NMBR: variants seen among roughly 807,000 people sequenced by gnomAD.
NMBR encodes the protein neuromedin-B receptor.
In NMBR, 16 loss-of-function variants were observed where a neutral mutation model predicts 20.5. The ratio of observed to expected loss-of-function variants is 0.78; its 90% confidence interval spans 0.53 to 1.19. The LOEUF (loss-of-function observed/expected upper bound fraction) is 1.19, where lower values mean the gene tolerates loss of function less well. NMBR is among the 50% of genes most tolerant of loss of function. The pLI, the probability that NMBR is intolerant of heterozygous loss-of-function variation, is 0.00. For missense variants in NMBR, 582 were observed against 499.1 expected, an observed-to-expected ratio of 1.17 and a Z score of -1.58; for synonymous variants, 212 against 196.6, an observed-to-expected ratio of 1.08 and a Z score of -0.65.
intron 1 of NMBR, among the ~76,000 whole-genome samples, chr6:142,091,168 T>C (rs1777315299): frequency 6.6e-6 from 1 of 152,188 alleles, no homozygotes; most frequent in Non-Finnish European, 1.5e-5. Context: ...CAGTATTGTC[T>C]CATATTAATA....
At chr6:142,121,769 AC>A (rs1177042531) in intron 1 of NMBR, among the ~76,000 whole-genome samples, 1 of 151,886 alleles carries the variant, frequency 6.6e-6, no homozygotes, top group African/African-American at 2.4e-5. Context: ...ACACTATGTT[AC>A]ACCATGCACA....
intron 2 of NMBR, among the ~76,000 whole-genome samples, chr6:142,083,078 C>T (rs1051099584): frequency 2.6e-5 from 4 of 151,962 alleles, no homozygotes; most frequent in Non-Finnish European, 5.9e-5. Flanking sequence ...TTATACAGTG[C>T]CTTTCTAATT....
intron 1 of NMBR, among the ~76,000 whole-genome samples, chr6:142,094,390 C>A (rs1777401841): frequency 6.6e-6 from 1 of 152,148 alleles, no homozygotes; most frequent in Non-Finnish European, 1.5e-5. Context: ...TTTCCCAGCA[C>A]CATTTATTAA....
chr6:142,142,122 T>C (rs936391423), intron 1 of NMBR, among the ~76,000 whole-genome samples: 1 of 152,044 alleles, frequency 6.6e-6, no homozygotes, highest in South Asian at 2.1e-4. Flanking sequence ...ATTTCTAAAT[T>C]CCAAACTACT....
intron 2 of NMBR, among the ~76,000 whole-genome samples, chr6:142,082,844 C>T (rs1376966307): frequency 2.6e-5 from 4 of 152,206 alleles, no homozygotes; most frequent in African/African-American, 9.6e-5. Flanking sequence ...AAAGCACCAC[C>T]TTATGGCCAT....
intron 1 of NMBR, among the ~76,000 whole-genome samples, chr6:142,119,701 G>A (rs1442228365): frequency 7.9e-5 from 12 of 151,696 alleles, no homozygotes; most frequent in African/African-American, 1.5e-4. Flanking sequence ...TGTTACAGAC[G>A]GAAAATTGAA....
At position 142,078,714 on chromosome 6, in the gene NMBR, T is replaced by A; in HGVS notation, c.612A>T (p.Thr204=). Residue 204 remains threonine (T), a synonymous_variant, in exon 3 of 4, where the codon ACA becomes ACT. Coordinates refer to ENST00000258042, the MANE Select transcript of NMBR (RefSeq NM_002511.4). ...SFTACIPYPQ[T]DELHPKIHSV... The stretch of plus-strand genomic sequence containing the variant: ...AATGAATCTTTGGATGTAATTCATC[T>A]GTTTGAGGGTATGGGATACATGCTG... The A allele has an allele frequency of 6.2e-7, 1 of 1,614,032 alleles. No individual in the cohort carries two copies. The highest frequency in any genetic ancestry group is 8.5e-7 in the Non-Finnish European group (1 of 1,179,988).
intron 2 of NMBR, among the ~76,000 whole-genome samples, chr6:142,084,935 G>C (rs1415703551): frequency 6.6e-6 from 1 of 152,120 alleles, no homozygotes; most frequent in Non-Finnish European, 1.5e-5. Context: ...GTATAAAAGT[G>C]TTAGAAACAT....
intron 1 of NMBR, among the ~76,000 whole-genome samples, chr6:142,141,554 G>T (rs187026318): frequency 7.3e-5 from 11 of 151,382 alleles, no homozygotes; most frequent in Non-Finnish European, 1.3e-4. Flanking sequence ...TCCAGGGCTG[G>T]AGTGCAGTGT....
chr6:142,082,326 G>C (rs1007659257), intron 2 of NMBR, among the ~76,000 whole-genome samples: 2 of 152,146 alleles, frequency 1.3e-5, no homozygotes, highest in Admixed American at 6.5e-5. Flanking sequence ...TCAATAAATG[G>C]TTGAAACTAT....
chr6:142,131,008 A>G (rs1398058536), intron 1 of NMBR, among the ~76,000 whole-genome samples: 2 of 152,144 alleles, frequency 1.3e-5, no homozygotes, highest in Non-Finnish European at 2.9e-5. Flanking sequence ...ACCGTTACAT[A>G]TCTCCTGTTT....
rs1777008134 is a variant in NMBR at position 142,078,720 on chromosome 6, A to G, written c.606T>C (p.Pro202=). 6.2e-7 allele frequency: 1 copy of G among 1,614,086 alleles called. No individual in the cohort carries two copies. The highest frequency in any genetic ancestry group is 8.5e-7 in the Non-Finnish European group (1 of 1,180,008). The change falls in exon 3 of 4, where the codon CCT becomes CCC. Residue 202 remains proline, a synonymous_variant. Transcript: ENST00000258042. ...NSSFTACIPY[P]QTDELHPKIH... ...TCTTTGGATGTAATTCATCTGTTTG[A>G]GGGTATGGGATACATGCTGTGAAGC... is the stretch of plus-strand genomic sequence containing the variant.
Position 142,075,789 on chromosome 6 carries a change from C to A in NMBR, c.1032G>T (p.Lys344Asn). The change falls in exon 4 of 4, where the codon AAG becomes AAT. Residue 344 changes from lysine (K) to asparagine (N), a missense_variant. Physicochemically the swap from Lys to Asn is moderately conservative, Grantham distance 94. Coordinates refer to ENST00000258042, the MANE Select transcript of NMBR (RefSeq NM_002511.4). The stretch of plus-strand genomic sequence containing the variant: ...AGCTGGTTCCTCTCTCTTGATAGGA[C>A]TTCCTCCCACAGCAGAGTTGGCTGT... ...HFNSQLCCGR[K>N]SYQERGTSYL... 1.9e-6 allele frequency: 3 copies of A among 1,614,090 alleles called. No homozygotes were observed. Among genetic ancestry groups the A allele is most frequent in the Non-Finnish European group, 2.5e-6 (3 of 1,179,962 alleles).
intron 1 of NMBR, among the ~76,000 whole-genome samples, chr6:142,136,777 C>G (rs1257934790): frequency 5.9e-5 from 9 of 152,094 alleles, no homozygotes; most frequent in Admixed American, 5.2e-4. Context: ...GTTTGTTTTT[C>G]TCAGGTTTGT....
intron 1 of NMBR, chr6:142,133,850 G>T (rs895600249): frequency 5.9e-6 from 4 of 673,790 alleles, no homozygotes; most frequent in South Asian, 3.1e-5. Context: ...ACCATAACAG[G>T]TTAAACCTCC....
chr6:142,101,761 T>C (rs1777569743), intron 1 of NMBR, among the ~76,000 whole-genome samples: 2 of 152,206 alleles, frequency 1.3e-5, no homozygotes, highest in Admixed American at 6.5e-5. Flanking sequence ...CGTTCTCACT[T>C]AGATGAGAGA....
At chr6:142,096,511 G>C (rs1777455512) in intron 1 of NMBR, among the ~76,000 whole-genome samples, 1 of 152,134 alleles carries the variant, frequency 6.6e-6, no homozygotes, top group East Asian at 1.9e-4. Context: ...CTGAGTTCTA[G>C]TTTGATTGCA....
chr6:142,135,976 A>G (rs1442640233), intron 1 of NMBR, among the ~76,000 whole-genome samples: 2 of 152,114 alleles, frequency 1.3e-5, no homozygotes, highest in African/African-American at 4.8e-5. Flanking sequence ...GTGTCTTTAT[A>G]GCAGCATGAT....
intron 1 of NMBR, among the ~76,000 whole-genome samples, chr6:142,091,726 T>C (rs1426809398): frequency 6.6e-6 from 1 of 152,206 alleles, no homozygotes; most frequent in Non-Finnish European, 1.5e-5. Context: ...CAGTGTCTGT[T>C]ATGTCTCTTT....
Sources: gnomAD v4.1 joint callset for allele counts (sites outside exome capture counted in the v4.1 genomes callset) on GRCh38, gnomAD v4.1.1 for gene constraint, MANE v1.5 for transcripts, NCBI Gene and HGNC (gene_info 2026-07-23, HGNC 2026-07-21) for gene names.